The following PCDH15 variants were observed in gnomAD, a reference collection of about 807,000 sequenced individuals.
PCDH15 encodes the protein protocadherin-15.
Under a neutral mutation model 178.5 loss-of-function variants are expected in PCDH15, and 129 were observed. That is an observed-to-expected ratio of 0.72 (90% CI 0.63 to 0.84). The LOEUF (loss-of-function observed/expected upper bound fraction) is 0.84, where lower values mean the gene tolerates loss of function less well. Ranked by LOEUF, PCDH15 falls within the 40% of genes least tolerant of loss-of-function variation. The probability of loss-of-function intolerance (pLI) is 0.00; values close to 1 mark genes in which losing one functional copy is unlikely to be tolerated. For missense variants in PCDH15, 2,230 were observed against 2,099.9 expected (o/e 1.06, Z -1.21); for synonymous variants, 800 against 732.0 (o/e 1.09, Z -1.50).
Position 54,245,794 on chromosome 10 carries a change from T to C in PCDH15, c.877-8863A>G, listed in dbSNP as rs11004171. Among the ~76,000 whole-genome samples the C allele has an allele frequency of 4.1e-3, 624 of 152,128 alleles. 2 individuals are homozygous for C. Among genetic ancestry groups the C allele is most frequent in the African/African-American group, 0.014 (591 of 41,552 alleles). On this transcript the variant is annotated intron_variant, in intron 8 of 37. Transcript: ENST00000644397. ...GTTTGACAATATGTATAGTATAGAT[T>C]AAAGCATTTCAATTTGAGCTTTATC...
intron 2 of PCDH15, chr10:55,366,249 C>T (rs963991795): frequency 6.6e-6 from 1 of 151,976 alleles, no homozygotes; most frequent in East Asian, 1.9e-4. Context: ...TAGTTGGTTG[C>T]TTTGGTTTGT....
intron 8 of PCDH15, among the ~76,000 whole-genome samples, chr10:54,266,626 C>T (rs1377794365): frequency 6.6e-6 from 1 of 151,800 alleles, no homozygotes; most frequent in Non-Finnish European, 1.5e-5. Context: ...AACATTAGAT[C>T]CAGTCCCATA....
At chr10:54,928,619 C>T (rs141170246) in intron 2 of PCDH15, among the ~76,000 whole-genome samples, 43 of 152,136 alleles carry the variant, frequency 2.8e-4, no homozygotes, top group Non-Finnish European at 3.4e-4. Context: ...TATTTCTTGG[C>T]GGTTTCGTTC....
intron 2 of PCDH15, among the ~76,000 whole-genome samples, chr10:55,511,030 G>GTT (rs929113807): frequency 6.7e-6 from 1 of 148,338 alleles, no homozygotes; most frequent in African/African-American, 2.5e-5. Flanking sequence ...TGGCTAATTT[G>GTT]TTTTTTTTGT....
chr10:54,605,150 A>G (rs1302504909), intron 2 of PCDH15, among the ~76,000 whole-genome samples: 1 of 151,846 alleles, frequency 6.6e-6, no homozygotes, highest in African/African-American at 2.4e-5. Flanking sequence ...TAAATTTTAG[A>G]TTAGAATTAA....
chr10:54,966,122 CTACTTAGACTTCAGTTTTGCTGA>C (rs1328473942), intron 2 of PCDH15, among the ~76,000 whole-genome samples: 21 of 151,872 alleles, frequency 1.4e-4, no homozygotes, highest in Non-Finnish European at 2.9e-4. Context: ...ATTCAAGTAA[CTACTTAGACTTCAGTTTTGCTGA>C]ATTGAGAATG....
intron 2 of PCDH15, among the ~76,000 whole-genome samples, chr10:55,469,571 T>C (rs1224247520): frequency 6.6e-6 from 1 of 152,120 alleles, no homozygotes; most frequent in Admixed American, 6.5e-5. Flanking sequence ...TGCTCAGTTT[T>C]ATATAATTAT....
At chr10:55,420,116 G>C (rs1052639258) in intron 2 of PCDH15, among the ~76,000 whole-genome samples, 1 of 151,602 alleles carries the variant, frequency 6.6e-6, no homozygotes, top group Admixed American at 6.6e-5. Flanking sequence ...CTCCTCATAA[G>C]ACAAAAACGT....
chr10:55,027,224 G>GGGTGAC (rs1840496580), intron 2 of PCDH15, among the ~76,000 whole-genome samples: 2 of 151,800 alleles, frequency 1.3e-5, no homozygotes, highest in African/African-American at 4.8e-5. Context: ...AAGGACAGGA[G>GGGTGAC]GGTGACATGC....
chr10:54,362,758 T>C lies in PCDH15; in HGVS notation c.474+6362A>G, dbSNP rs1052460229. Among the ~76,000 whole-genome samples the C allele has an allele frequency of 2.0e-5, 3 of 151,666 alleles. 1 individual carries two copies. Among genetic ancestry groups the C allele is most frequent in the Admixed American group, 2.0e-4 (3 of 15,216 alleles). Reference sequence around the variant, plus strand: ...TTTAGTATTTCCGGGACATGAAAAGTAGGGTAAAAAAATCTCAAGTGGCAT... The same window carrying C: ...TTTAGTATTTCCGGGACATGAAAAGCAGGGTAAAAAAATCTCAAGTGGCAT... On this transcript the variant is annotated intron_variant, in intron 5 of 37. Coordinates refer to ENST00000644397, the MANE Select transcript of PCDH15 (RefSeq NM_001384140.1).
At chr10:53,856,765 G>T (rs1017736637) in intron 28 of PCDH15, among the ~76,000 whole-genome samples, 2 of 151,814 alleles carry the variant, frequency 1.3e-5, no homozygotes, top group African/African-American at 4.8e-5. Context: ...AAAACAGTAA[G>T]CTAAATTATT....
chr10:54,421,912 C>CTATATATATATATACACTA (rs1955534466), intron 3 of PCDH15, among the ~76,000 whole-genome samples: 1 of 99,018 alleles, frequency 1.0e-5, no homozygotes, highest in South Asian at 3.4e-4. Context: ...TATATATACA[C>CTATATATATATATACACTA]TATATATATA....
chr10:54,539,922 G>T (rs1407577881), intron 2 of PCDH15, among the ~76,000 whole-genome samples: 2 of 152,022 alleles, frequency 1.3e-5, no homozygotes, highest in Non-Finnish European at 2.9e-5. Flanking sequence ...GGATTGTAAG[G>T]CAGAAATTTT....
intron 18 of PCDH15, among the ~76,000 whole-genome samples, chr10:54,036,249 C>T (rs2093413765): frequency 6.6e-6 from 1 of 151,938 alleles, no homozygotes; most frequent in Non-Finnish European, 1.5e-5. Context: ...AAACAGATTT[C>T]CAATGTAGAT....
intron 2 of PCDH15, among the ~76,000 whole-genome samples, chr10:54,899,948 T>G (rs2131824402): frequency 1.3e-5 from 2 of 151,632 alleles, no homozygotes; most frequent in Admixed American, 1.3e-4. Flanking sequence ...AAAAAAGACA[T>G]TTAATCAAAG....
intron 2 of PCDH15, among the ~76,000 whole-genome samples, chr10:55,078,967 T>C (rs577253081): frequency 3.0e-4 from 45 of 152,292 alleles, no homozygotes; most frequent in African/African-American, 1.1e-3. Flanking sequence ...GCTTCCAGGA[T>C]TTCTTTCCTT....
chr10:55,497,826 A>C (rs976824600), intron 2 of PCDH15, among the ~76,000 whole-genome samples: 4 of 151,820 alleles, frequency 2.6e-5, no homozygotes, highest in Non-Finnish European at 5.9e-5. Flanking sequence ...CATATCTGGC[A>C]AGATGATTCT....
intron 2 of PCDH15, among the ~76,000 whole-genome samples, chr10:54,975,643 G>A (rs960631142): frequency 6.6e-6 from 1 of 152,146 alleles, no homozygotes; most frequent in Non-Finnish European, 1.5e-5. Flanking sequence ...CTAGAAGTTA[G>A]TAAGGTAAAT....
chr10:54,020,989 G>A (rs1219120395), intron 19 of PCDH15, among the ~76,000 whole-genome samples: 1 of 151,942 alleles, frequency 6.6e-6, no homozygotes, highest in Non-Finnish European at 1.5e-5. Context: ...GATTTAACTA[G>A]GATTTGAGTA....
Sources: gnomAD v4.1 joint callset for allele counts (sites outside exome capture counted in the v4.1 genomes callset) on GRCh38, gnomAD v4.1.1 for gene constraint, MANE v1.5 for transcripts, NCBI Gene and HGNC (gene_info 2026-07-23, HGNC 2026-07-21) for gene names.